The following IMMT variants were observed in gnomAD, a reference collection of about 807,000 sequenced individuals.
IMMT encodes the protein inner membrane mitochondrial protein, also known as MICOS complex subunit MIC60.
A neutral mutation model predicts 92.7 loss-of-function variants in IMMT; 40 were observed. That is an observed-to-expected ratio of 0.43 (90% CI 0.34 to 0.56). IMMT has a LOEUF of 0.56. Among genes scored for constraint, IMMT ranks in the 20% least tolerant of loss-of-function variants. The pLI is 0.03. For missense variants in IMMT, 831 were observed against 912.1 expected, an observed-to-expected ratio of 0.91 and a Z score of 1.14; for synonymous variants, 322 against 336.1, an observed-to-expected ratio of 0.96 and a Z score of 0.46.
intron 6 of IMMT, among the ~76,000 whole-genome samples, chr2:86,167,470 G>GCCTAC (rs1258960529): frequency 3.0e-4 from 20 of 66,702 alleles, no homozygotes; most frequent in Middle Eastern, 0.01. Flanking sequence ...ACCGTGCCCG[G>GCCTAC]TTTTTTGTTT....
intron 2 of IMMT, among the ~76,000 whole-genome samples, chr2:86,180,101 A>G (rs1672331521): frequency 6.6e-6 from 1 of 152,116 alleles, no homozygotes; most frequent in African/African-American, 2.4e-5. Flanking sequence ...ATAAATAAAT[A>G]AAAGTATGAA....
intron 10 of IMMT, among the ~76,000 whole-genome samples, chr2:86,158,115 C>G (rs558560665): frequency 6.6e-6 from 1 of 152,286 alleles, no homozygotes; most frequent in East Asian, 1.9e-4. Flanking sequence ...AGCCAGACAG[C>G]TGGTTCCTTT....
At chr2:86,189,136 AAG>A (rs1672969072) in intron 1 of IMMT, among the ~76,000 whole-genome samples, 1 of 152,208 alleles carries the variant, frequency 6.6e-6, no homozygotes, top group Admixed American at 6.5e-5. Context: ...CACTGTTTCA[AAG>A]CAATCTGTCT....
intron 7 of IMMT, among the ~76,000 whole-genome samples, chr2:86,166,037 A>G (rs1321209254): frequency 6.6e-6 from 1 of 152,264 alleles, no homozygotes. Flanking sequence ...TTTTTTAAAC[A>G]TAATTACTCT....
intron 5 of IMMT, 115 bp downstream of exon 5, chr2:86,171,093 C>T: frequency 1.0e-6 from 1 of 964,138 alleles, no homozygotes; most frequent in Non-Finnish European, 1.5e-6. Flanking sequence ...CTAAGAAACT[C>T]TGAAGACCTA....
At chr2:86,194,383 C>T (rs961746897) in intron 1 of IMMT, among the ~76,000 whole-genome samples, 2 of 152,160 alleles carry the variant, frequency 1.3e-5, no homozygotes, top group African/African-American at 4.8e-5. Context: ...AACACAGGTT[C>T]GTTCCACTTT....
intron 10 of IMMT, 27 bp from the exon 11 acceptor site, chr2:86,153,601 G>A (rs1675641628): frequency 1.4e-6 from 2 of 1,392,010 alleles, no homozygotes; most frequent in Non-Finnish European, 1.9e-6. Context: ...AGAACAGTTT[G>A]AAAAAAAAGA....
chr2:86,177,003 G>T (rs1677475024), intron 3 of IMMT, among the ~76,000 whole-genome samples: 1 of 152,214 alleles, frequency 6.6e-6, no homozygotes, highest in Admixed American at 6.5e-5. Context: ...AAGAATAAAT[G>T]ATGTAGAAGA....
In IMMT at chr2:86,144,178, C is replaced by T. The variant is rs970417559; in HGVS notation, c.*90G>A. 3 of 1,408,258 alleles carry T rather than the reference C, an allele frequency of 2.1e-6. No homozygotes were observed. Among genetic ancestry groups the T allele is most frequent in the Admixed American group, 4.2e-5 (2 of 47,630 alleles). The allele number at this position is 1,408,258 out of a possible 1,614,324, so 87.2% of individuals were successfully genotyped here. On this transcript the variant is annotated 3_prime_UTR_variant, in exon 15 of 15. Transcript: ENST00000410111. ...ACTTGTAAACCTGCTCATTTCTAGA[C>T]AAGTCCGGGACTCTCGCTGCGAACC...
intron 10 of IMMT, 99 bp from the exon 11 acceptor site, chr2:86,153,673 C>A: frequency 1.5e-6 from 1 of 659,944 alleles, no homozygotes; most frequent in South Asian, 2.4e-5. Context: ...AAGAAGGAAT[C>A]GGAGACTAGT....
intron 1 of IMMT, among the ~76,000 whole-genome samples, chr2:86,182,882 A>G (rs1672527873): frequency 6.6e-6 from 1 of 151,838 alleles, no homozygotes; most frequent in Non-Finnish European, 1.5e-5. Context: ...AAACAAAAAC[A>G]AAAACAAAAA....
chr2:86,147,674 T>G, intron 13 of IMMT, 28 bp downstream of exon 13: 1 of 1,598,534 alleles, frequency 6.3e-7, no homozygotes, highest in Non-Finnish European at 8.5e-7. Flanking sequence ...GGAAGAGGGG[T>G]GTGGCTGAAG....
chr2:86,162,162 G>T, intron 7 of IMMT, 83 bp from the exon 8 acceptor site: 1 of 798,754 alleles, frequency 1.3e-6, no homozygotes, highest in Middle Eastern at 3.7e-4. Context: ...ACAGAAACAT[G>T]TGACATTAAA....
chr2:86,152,972 T>C (rs1675585692), intron 11 of IMMT, among the ~76,000 whole-genome samples: 1 of 152,162 alleles, frequency 6.6e-6, no homozygotes, highest in South Asian at 2.1e-4. Context: ...GGTTATCGAT[T>C]CAAATAAAAA....
chr2:86,146,787 A>G (rs1675049524), intron 13 of IMMT, among the ~76,000 whole-genome samples: 1 of 151,570 alleles, frequency 6.6e-6, no homozygotes, highest in African/African-American at 2.4e-5. Flanking sequence ...TTGAGACAGA[A>G]TCTTGCTCTG....
intron 7 of IMMT, 80 bp from the exon 8 acceptor site, chr2:86,162,159 CAT>C: frequency 1.2e-6 from 1 of 809,720 alleles, no homozygotes; most frequent in Admixed American, 3.2e-5. Flanking sequence ...AACACAGAAA[CAT>C]GTGACATTAA....
intron 8 of IMMT, among the ~76,000 whole-genome samples, chr2:86,160,881 G>T (rs1248279553): frequency 6.6e-6 from 1 of 152,176 alleles, no homozygotes; most frequent in African/African-American, 2.4e-5. Context: ...CAGAATCTCA[G>T]TACATCTGTA....
Position 86,161,853 on chromosome 2 carries a change from G to A in IMMT, c.896+123C>T. ...ATGCCAATTCAGAACAAGCACAGGTGGAAAAGTGAGAGAAGGGTTTCTCTA... is the reference window on the plus strand; with the variant it reads ...ATGCCAATTCAGAACAAGCACAGGTAGAAAAGTGAGAGAAGGGTTTCTCTA... On this transcript the variant is annotated intron_variant, in intron 8 of 14. Coordinates refer to ENST00000410111, the MANE Select transcript of IMMT (RefSeq NM_006839.3). 5.9e-6 allele frequency: 4 copies of A among 679,964 alleles called. No individual in the cohort carries two copies. In the South Asian group the frequency reaches 6.4e-5, roughly 11 times the overall value. 42.1% of individuals were successfully genotyped at this position (679,964 alleles called of 1,614,324 possible). A position where few individuals can be genotyped will look rare whatever the true frequency, so the allele number is the denominator to read the frequency against.
intron 3 of IMMT, among the ~76,000 whole-genome samples, chr2:86,175,839 G>A (rs1220495723): frequency 6.6e-6 from 1 of 152,052 alleles, no homozygotes; most frequent in Non-Finnish European, 1.5e-5. Flanking sequence ...ATAAGCGAAG[G>A]AAAGGAAGTC....
Sources: gnomAD v4.1 joint callset for allele counts (sites outside exome capture counted in the v4.1 genomes callset) on GRCh38, gnomAD v4.1.1 for gene constraint, MANE v1.5 for transcripts, NCBI Gene and HGNC (gene_info 2026-07-23, HGNC 2026-07-21) for gene names.